ASTN1: variants seen among roughly 807,000 people sequenced by gnomAD.
ASTN1 encodes the protein astrotactin-1.
In ASTN1, 41 loss-of-function variants were observed where a neutral mutation model predicts 140.7. The observed-to-expected ratio is 0.29, with a 90% CI of 0.23 to 0.38. ASTN1 has a LOEUF of 0.38. Ranked by LOEUF, ASTN1 falls within the 10% of genes least tolerant of loss-of-function variation. ASTN1 has a pLI of 1.00. For synonymous variants in ASTN1, 640 were observed against 652.2 expected, an observed-to-expected ratio of 0.98 and a Z score of 0.29; for missense variants, 1,479 against 1,678.8, an observed-to-expected ratio of 0.88 and a Z score of 2.08.
At position 176,862,477 on chromosome 1, in the gene ASTN1, T is replaced by C. The variant is rs1668001837; in HGVS notation, c.*1807A>G. ...ACAGAGGACATGTCCATGCCACAGA[T>C]GCTTGGGAAAGGTAAAGCTCTCTGG... On this transcript the variant is annotated 3_prime_UTR_variant, in exon 23 of 23. Coordinates refer to ENST00000361833, the MANE Select transcript of ASTN1 (RefSeq NM_004319.3). The C allele has an allele frequency of 2.0e-6, 2 of 985,276 alleles. No homozygotes were observed. The highest frequency in any genetic ancestry group is 9.4e-5 in the South Asian group (2 of 21,280). The allele number at this position is 985,276 out of a possible 1,614,324, so 61.0% of individuals were successfully genotyped here.
intron 1 of ASTN1, among the ~76,000 whole-genome samples, chr1:177,062,356 C>T (rs1571727230): frequency 6.6e-6 from 1 of 151,748 alleles, no homozygotes; most frequent in Admixed American, 6.6e-5. Context: ...TCCTCCCACC[C>T]CAGCCTCCCA....
Position 177,014,758 on chromosome 1 carries a change from G to A in ASTN1, c.1523+33C>T, listed in dbSNP as rs763221024. 5.7e-6 allele frequency: 9 copies of A among 1,570,788 alleles called. No individual in the cohort carries two copies. The East Asian group carries it at 1.8e-4, about 31-fold the overall frequency. ...GTCTGTGTAAGGAGCAGTGATATGT[G>A]GGAACCAGCTAAGTCGTCATGCCCT... On this transcript the variant is annotated intron_variant, in intron 8 of 22. Transcript: ENST00000361833.
At chr1:177,158,383 A>G (rs781300685) in intron 1 of ASTN1, among the ~76,000 whole-genome samples, 1 of 152,218 alleles carries the variant, frequency 6.6e-6, no homozygotes, top group Non-Finnish European at 1.5e-5. Flanking sequence ...TTAATTTTTA[A>G]GAATAATAAA....
chr1:176,992,383 G>A (rs1674223387), intron 8 of ASTN1, among the ~76,000 whole-genome samples: 1 of 151,566 alleles, frequency 6.6e-6, no homozygotes. Flanking sequence ...ATATTGAAGT[G>A]ACCTTCTGGG....
intron 17 of ASTN1, among the ~76,000 whole-genome samples, chr1:176,891,474 G>A (rs1669263530): frequency 6.6e-6 from 1 of 152,122 alleles, no homozygotes; most frequent in African/African-American, 2.4e-5. Context: ...CAACAGCTGC[G>A]ATAATAGGTG....
intron 2 of ASTN1, among the ~76,000 whole-genome samples, chr1:177,047,917 T>C (rs1228274318): frequency 1.3e-5 from 2 of 152,204 alleles, no homozygotes; most frequent in Non-Finnish European, 2.9e-5. Context: ...AATTTTCCTT[T>C]GTTCCTTCTC....
At chr1:176,897,282 A>G (rs1043527914) in intron 16 of ASTN1, among the ~76,000 whole-genome samples, 31 of 151,578 alleles carry the variant, frequency 2.0e-4, no homozygotes, top group African/African-American at 7.2e-4. Context: ...CTCAAAAAAA[A>G]AAAAAAAAAA....
At chr1:177,066,826 A>G (rs1330429981) in intron 1 of ASTN1, among the ~76,000 whole-genome samples, 3 of 152,090 alleles carry the variant, frequency 2.0e-5, no homozygotes, top group African/African-American at 7.2e-5. Context: ...GTATTCTGGG[A>G]CCCTTTCTCA....
intron 9 of ASTN1, among the ~76,000 whole-genome samples, chr1:176,961,274 A>C (rs1672648285): frequency 6.6e-6 from 1 of 152,194 alleles, no homozygotes; most frequent in Non-Finnish European, 1.5e-5. Flanking sequence ...ACGGATTTAA[A>C]GGTTAAGGTG....
chr1:177,135,605 G>A (rs909714391), intron 1 of ASTN1, among the ~76,000 whole-genome samples: 4 of 152,118 alleles, frequency 2.6e-5, no homozygotes, highest in African/African-American at 9.7e-5. Flanking sequence ...TGAAAAGCTG[G>A]GGGGTACGGG....
intron 8 of ASTN1, among the ~76,000 whole-genome samples, chr1:177,011,479 G>T (rs531072092): frequency 3.2e-4 from 48 of 152,208 alleles, no homozygotes; most frequent in African/African-American, 1.1e-3. Context: ...GTGAATATCT[G>T]TTGAAAACAC....
chr1:177,030,722 G>C (rs998790477), intron 4 of ASTN1, 84 bp downstream of exon 4: 2 of 1,551,118 alleles, frequency 1.3e-6, no homozygotes, highest in African/African-American at 2.7e-5. Flanking sequence ...CCACGCATGA[G>C]AGAATGGGTA....
intron 8 of ASTN1, 133 bp from the exon 9 acceptor site, chr1:176,965,370 A>ATATTAGTGAGCTT: frequency 1.4e-6 from 1 of 732,126 alleles, no homozygotes; most frequent in Non-Finnish European, 2.3e-6. Context: ...CAAGAAGCTC[A>ATATTAGTGAGCTT]CTAATATGAG....
intron 1 of ASTN1, among the ~76,000 whole-genome samples, chr1:177,097,977 T>C (rs944754154): frequency 1.3e-5 from 2 of 152,184 alleles, no homozygotes; most frequent in East Asian, 3.9e-4. Flanking sequence ...TACCCTTCCA[T>C]ATCTATCTCT....
intron 4 of ASTN1, among the ~76,000 whole-genome samples, chr1:177,030,290 GA>G (rs1424808912): frequency 1.3e-5 from 2 of 152,176 alleles, no homozygotes; most frequent in Non-Finnish European, 2.9e-5. Context: ...TACTGACACA[GA>G]AACAGGTAAA....
intron 8 of ASTN1, among the ~76,000 whole-genome samples, chr1:176,984,934 TGATCA>T (rs1673813828): frequency 6.6e-6 from 1 of 152,140 alleles, no homozygotes; most frequent in African/African-American, 2.4e-5. Context: ...GAACTCTGAG[TGATCA>T]GACCAACATG....
At chr1:176,935,950 T>TA in intron 15 of ASTN1, 1 of 398,278 alleles carries the variant, frequency 2.5e-6, no homozygotes, top group African/African-American at 2.1e-5. Flanking sequence ...TCTCAATTTG[T>TA]AAAAAATCTG....
At chr1:177,099,907 T>C (rs1296891372) in intron 1 of ASTN1, among the ~76,000 whole-genome samples, 1 of 152,196 alleles carries the variant, frequency 6.6e-6, no homozygotes, top group Non-Finnish European at 1.5e-5. Context: ...GCATTTTCAT[T>C]GATGTATCAA....
intron 2 of ASTN1, among the ~76,000 whole-genome samples, chr1:177,042,668 G>C (rs180951365): frequency 5.1e-4 from 78 of 152,296 alleles, no homozygotes; most frequent in African/African-American, 1.8e-3. Flanking sequence ...ATAAGTATAA[G>C]TAGTAAAAAT....
Sources: allele counts gnomAD v4.1 joint callset (sites outside exome capture counted in the v4.1 genomes callset), GRCh38; gene constraint gnomAD v4.1.1; transcripts MANE v1.5; gene names NCBI Gene and HGNC (gene_info 2026-07-23, HGNC 2026-07-21).